The following MBTD1 variants were observed in gnomAD, a reference collection of about 807,000 sequenced individuals.
MBTD1 encodes the protein mbt domain containing 1.
MBTD1 carries 24 observed loss-of-function variants against 87.8 expected under a neutral mutation model. The ratio of observed to expected loss-of-function variants is 0.27; its 90% CI spans 0.20 to 0.38. MBTD1 has a LOEUF of 0.38. Among genes scored for constraint, MBTD1 ranks in the 10% least tolerant of loss-of-function variants. MBTD1 has a pLI of 1.00. For synonymous variants in MBTD1, 237 were observed against 248.6 expected (o/e 0.95, Z 0.44); for missense variants, 436 against 760.2 (o/e 0.57, Z 5.02).
intron 12 of MBTD1, among the ~76,000 whole-genome samples, chr17:51,198,671 G>A (rs1048243809): frequency 1.3e-5 from 2 of 152,156 alleles, no homozygotes; most frequent in African/African-American, 4.8e-5. Flanking sequence ...CACATGGGTG[G>A]GATCTGGAAC....
rs1045387944 is a variant in MBTD1, at chr17:51,214,070, A to AAC, written c.486+3262_486+3263dup. On this transcript the variant is annotated intron_variant, in intron 6 of 16. Coordinates refer to ENST00000586178, the MANE Select transcript of MBTD1 (RefSeq NM_017643.3). Reference sequence around the variant, plus strand: ...GTGTATGTGTGTATATATATGTATAAACACACACATATATATATACATACA... The same window carrying AAC: ...GTGTATGTGTGTATATATATGTATAAACACACACACATATATATATACATACA... 3.3e-4 allele frequency among the ~76,000 whole-genome samples: 50 copies of AAC among 152,096 alleles called. No individual in the cohort carries two copies. The East Asian group carries it at 7.0e-3, about 21-fold the overall frequency.
intron 4 of MBTD1, among the ~76,000 whole-genome samples, chr17:51,220,120 T>G (rs1346414562): frequency 6.6e-6 from 1 of 152,258 alleles, no homozygotes; most frequent in African/African-American, 2.4e-5. Context: ...AATAATAGTT[T>G]ATTTGGATAG....
chr17:51,259,275 C>T (rs1187769161), intron 1 of MBTD1, 69 bp from the exon 2 acceptor site: 9 of 1,231,294 alleles, frequency 7.3e-6, no homozygotes, highest in Non-Finnish European at 8.1e-6. Context: ...GACTTGAAAC[C>T]CTTTTAAATA....
chr17:51,194,707 T>C (rs2050995269), intron 13 of MBTD1, among the ~76,000 whole-genome samples: 1 of 149,428 alleles, frequency 6.7e-6, no homozygotes, highest in African/African-American at 2.5e-5. Context: ...CATAGTGAGA[T>C]TCCTGTCTGT....
chr17:51,217,419 A>G lies in MBTD1; in HGVS notation c.404-3T>C, dbSNP rs1598359296. 7.0e-7 allele frequency: 1 copy of G among 1,419,490 alleles called. No individual in the cohort carries two copies. The highest frequency in any genetic ancestry group is 9.6e-7 in the Non-Finnish European group (1 of 1,046,658). 87.9% of individuals were successfully genotyped at this position (1,419,490 alleles called of 1,614,324 possible). A position where few individuals can be genotyped will look rare whatever the true frequency, so the allele number is the denominator to read the frequency against. On this transcript the variant is annotated splice_region_variant and splice_polypyrimidine_tract_variant and intron_variant, in intron 5 of 16. Transcript: ENST00000586178. ...GCTGAAACCTTCCATGGAGACTGCTAAAATGAAACAAATTTAGATGTATTA... is the reference window on the plus strand; with the variant it reads ...GCTGAAACCTTCCATGGAGACTGCTGAAATGAAACAAATTTAGATGTATTA...
upstream of MBTD1, chr17:51,260,779 G>A (rs886518550): frequency 6.3e-7 from 1 of 1,578,580 alleles, no homozygotes; most frequent in African/African-American, 1.3e-5. Context: ...CAGTCGCGGC[G>A]GCGGAGGAAG....
rs1359675349 is a variant in MBTD1, at chr17:51,178,318, A to G, written c.*2258T>C. 2 of 152,204 alleles carry G rather than the reference A, an allele frequency of 1.3e-5. No individual in the cohort carries two copies. Among genetic ancestry groups the G allele is most frequent in the African/African-American group, 4.8e-5 (2 of 41,450 alleles). 9.4% of individuals were successfully genotyped at this position (152,204 alleles called of 1,614,324 possible). The stretch of plus-strand genomic sequence containing the variant: ...GTAGAAAAGTCCTTACCAACCTTCA[A>G]CTGTTGGTCACGGGATCAAGACAAG... On this transcript the variant is annotated 3_prime_UTR_variant, in exon 17 of 17. Coordinates refer to ENST00000586178, the MANE Select transcript of MBTD1 (RefSeq NM_017643.3).
At chr17:51,192,429 C>T (rs1378602893) in intron 15 of MBTD1, 149 bp from the exon 16 acceptor site, 1 of 655,824 alleles carries the variant, frequency 1.5e-6, no homozygotes, top group African/African-American at 1.8e-5. Flanking sequence ...CTTGTTCCTA[C>T]AAAACCATAG....
chr17:51,197,799 A>T (rs2051224527), intron 12 of MBTD1, among the ~76,000 whole-genome samples: 1 of 151,530 alleles, frequency 6.6e-6, no homozygotes, highest in Non-Finnish European at 1.5e-5. Flanking sequence ...GAGCTACCAC[A>T]CCCAGCCTAC....
intron 3 of MBTD1, among the ~76,000 whole-genome samples, chr17:51,222,790 G>GCC (rs2052987399): frequency 6.6e-6 from 1 of 151,650 alleles, no homozygotes; most frequent in Non-Finnish European, 1.5e-5. Flanking sequence ...CTCTCTATCA[G>GCC]CCCCTGAGCT....
At chr17:51,246,595 C>G (rs183817670) in intron 2 of MBTD1, among the ~76,000 whole-genome samples, 1 of 152,108 alleles carries the variant, frequency 6.6e-6, no homozygotes, top group Non-Finnish European at 1.5e-5. Context: ...TAAACAATCA[C>G]GTCACTAACA....
intron 2 of MBTD1, among the ~76,000 whole-genome samples, chr17:51,233,031 C>G (rs1394484496): frequency 4.2e-5 from 5 of 119,492 alleles, no homozygotes; most frequent in African/African-American, 1.6e-4. Context: ...GCACTCCAGC[C>G]TAGGTGACAG....
At chr17:51,191,860 C>T (rs9896955) in intron 16 of MBTD1, 6,515 of 236,020 alleles carry the variant, frequency 0.028, 451 homozygotes, top group African/African-American at 0.14. Context: ...GGATTACAGG[C>T]GTGAGCCACT....
rs1318625394 is a variant in MBTD1 at position 51,228,034 on chromosome 17, C to T, written c.-48-2825G>A. Among the ~76,000 whole-genome samples the T allele has an allele frequency of 2.0e-5, 3 of 151,676 alleles. No homozygotes were observed. The South Asian group carries it at 6.2e-4, about 32-fold the overall frequency. On this transcript the variant is annotated intron_variant, in intron 2 of 16. Transcript: ENST00000586178. ...TCAGAAATTGTAGGAGATAATATTT[C>T]TACATATATATTTATTCAGTTTTTA...
In MBTD1 at chr17:51,197,041, GATATAT is replaced by G. The variant is rs71149351; in HGVS notation, c.1225-1686_1225-1681del. On this transcript the variant is annotated intron_variant, in intron 12 of 16. Transcript: ENST00000586178. The stretch of plus-strand genomic sequence containing the variant: ...TCTTTATCTATTATTATATATACAA[GATATAT>G]ATATATATATATATATATATATATA... Among the ~76,000 whole-genome samples, 3 of 87,630 alleles carry G rather than the reference GATATAT, an allele frequency of 3.4e-5. 1 individual carries two copies. The highest frequency in any genetic ancestry group is 9.1e-4 in the South Asian group (2 of 2,208). 57.5% of individuals were successfully genotyped at this position (87,630 alleles called of 152,430 possible). A position where few individuals can be genotyped will look rare whatever the true frequency, so the allele number is the denominator to read the frequency against.
chr17:51,227,542 CTGAG>C (rs1002504247), intron 2 of MBTD1, among the ~76,000 whole-genome samples: 2 of 152,002 alleles, frequency 1.3e-5, no homozygotes, highest in Non-Finnish European at 1.5e-5. Flanking sequence ...GCTTGGGTGA[CTGAG>C]TGAGACCCTG....
chr17:51,238,439 CAT>C (rs2053975862), intron 2 of MBTD1, among the ~76,000 whole-genome samples: 1 of 152,158 alleles, frequency 6.6e-6, no homozygotes, highest in African/African-American at 2.4e-5. Context: ...TTAGGAACTA[CAT>C]GATTCAGTAC....
intron 2 of MBTD1, among the ~76,000 whole-genome samples, chr17:51,234,027 T>C (rs2053683656): frequency 6.6e-6 from 1 of 151,802 alleles, no homozygotes; most frequent in African/African-American, 2.4e-5. Flanking sequence ...TCAATAAAAC[T>C]GATAAACCTC....
At chr17:51,255,642 C>A (rs1372815310) in intron 2 of MBTD1, among the ~76,000 whole-genome samples, 1 of 150,080 alleles carries the variant, frequency 6.7e-6, no homozygotes, top group East Asian at 2.0e-4. Flanking sequence ...GTCGCCCAGG[C>A]TGGAGTCCAG....
Sources: gnomAD v4.1 joint callset for allele counts (sites outside exome capture counted in the v4.1 genomes callset) on GRCh38, gnomAD v4.1.1 for gene constraint, MANE v1.5 for transcripts, NCBI Gene and HGNC (gene_info 2026-07-23, HGNC 2026-07-21) for gene names.